Variants in NDUFC2 observed in about 807,000 individuals in gnomAD.
NDUFC2 encodes NADH:ubiquinone oxidoreductase subunit C2, also known as NADH dehydrogenase [ubiquinone] 1 subunit C2.
NDUFC2 carries 2 observed loss-of-function variants against 10.1 expected under a neutral mutation model. The ratio of observed to expected loss-of-function variants is 0.20; its 90% CI spans 0.08 to 0.62. The LOEUF (loss-of-function observed/expected upper bound fraction) is 0.62, where lower values mean the gene tolerates loss of function less well. Among genes scored for constraint, NDUFC2 ranks in the 20% least tolerant of loss-of-function variants. The pLI is 0.87. For missense variants in NDUFC2, 156 were observed against 159.6 expected (o/e 0.98, Z 0.12); for synonymous variants, 61 against 63.6 (o/e 0.96, Z 0.20).
chr11:78,070,406 T>C (rs1055760741), intron 2 of NDUFC2, among the ~76,000 whole-genome samples: 1 of 152,170 alleles, frequency 6.6e-6, no homozygotes, highest in African/African-American at 2.4e-5. Context: ...CCTCCAGAAT[T>C]GCAAGCAATA....
At chr11:78,075,038 C>T (rs1474013037) in intron 1 of NDUFC2, among the ~76,000 whole-genome samples, 1 of 152,202 alleles carries the variant, frequency 6.6e-6, no homozygotes, top group African/African-American at 2.4e-5. Flanking sequence ...TCACTACCTG[C>T]ACACCCCATC....
chr11:78,072,199 A>G (rs116278826), intron 2 of NDUFC2, among the ~76,000 whole-genome samples: 3,007 of 151,732 alleles, frequency 0.02, 99 homozygotes, highest in African/African-American at 0.069. Context: ...ATTTTTTGAG[A>G]CACAGTCTTG....
chr11:78,076,695 G>A (rs1254733983), intron 1 of NDUFC2, among the ~76,000 whole-genome samples: 2 of 152,156 alleles, frequency 1.3e-5, no homozygotes, highest in African/African-American at 4.8e-5. Flanking sequence ...TACTAGTAGG[G>A]TGGAGGTGAT....
At position 78,079,704 on chromosome 11, in the gene NDUFC2, G is replaced by C; in HGVS notation, c.41C>G (p.Pro14Arg). 1 of 1,610,222 alleles carries C rather than the reference G, an allele frequency of 6.2e-7. No individual in the cohort carries two copies. Among genetic ancestry groups the C allele is most frequent in the Non-Finnish European group, 8.5e-7 (1 of 1,178,596 alleles). The change falls in exon 1 of 3, where the codon CCG becomes CGG. Residue 14 changes from proline to arginine, a missense_variant. By Grantham distance (103) the Pro-to-Arg change is moderately radical (BLOSUM62 -2). Transcript: ENST00000281031. ...RRNPEPLRFL[P>R]DEARSLPPPK... Reference sequence around the variant, plus strand: ...CGGGGGCAGGCTCCGGGCCTCATCCGGCAGAAACCGTAAGGGTTCTGGGTT... The same window carrying C: ...CGGGGGCAGGCTCCGGGCCTCATCCCGCAGAAACCGTAAGGGTTCTGGGTT...
chr11:78,073,260 GA>G, intron 1 of NDUFC2, 119 bp from the exon 2 acceptor site: 1 of 1,472,476 alleles, frequency 6.8e-7, no homozygotes, highest in South Asian at 1.2e-5. Flanking sequence ...GGGAGGCCAA[GA>G]CAGGTGGATC....
At chr11:78,071,351 G>T (rs1859001183) in intron 2 of NDUFC2, among the ~76,000 whole-genome samples, 2 of 148,926 alleles carry the variant, frequency 1.3e-5, no homozygotes, top group Admixed American at 1.4e-4. Flanking sequence ...TGTCCTCCCA[G>T]GCTCAAGTAA....
At chr11:78,072,524 A>G (rs1262224947) in intron 2 of NDUFC2, among the ~76,000 whole-genome samples, 3 of 152,204 alleles carry the variant, frequency 2.0e-5, no homozygotes, top group African/African-American at 7.2e-5. Context: ...GTCATTGGAA[A>G]TAAGACCAAA....
chr11:78,071,505 T>G (rs1452004747), intron 2 of NDUFC2, among the ~76,000 whole-genome samples: 1 of 152,112 alleles, frequency 6.6e-6, no homozygotes, highest in Middle Eastern at 3.2e-3. Flanking sequence ...AGTTCAAATT[T>G]TTTCTATACT....
intron 1 of NDUFC2, among the ~76,000 whole-genome samples, chr11:78,074,334 T>A (rs1417061433): frequency 6.6e-6 from 1 of 151,616 alleles, no homozygotes; most frequent in East Asian, 2.0e-4. Flanking sequence ...CTATCCTGGC[T>A]GGGCGTGGTG....
chr11:78,070,058 A>C (rs923115650), intron 2 of NDUFC2, 22 bp from the exon 3 acceptor site: 11 of 1,453,130 alleles, frequency 7.6e-6, no homozygotes, highest in African/African-American at 1.4e-5. Flanking sequence ...AAGATCATAA[A>C]AGATTTATTT....
rs2136814236 is a variant in NDUFC2, at chr11:78,068,336, A to G, written c.*1651T>C. 1 of 152,328 alleles carries G rather than the reference A, an allele frequency of 6.6e-6. No homozygotes were observed. 9.4% of individuals were successfully genotyped at this position (152,328 alleles called of 1,614,324 possible). ...ATTATTTATTGCAGAACTAATAAAAAATCCAAAGCCTTGTATTTGTACATC... is the reference window on the plus strand; with the variant it reads ...ATTATTTATTGCAGAACTAATAAAAGATCCAAAGCCTTGTATTTGTACATC... On this transcript the variant is annotated 3_prime_UTR_variant, in exon 3 of 3. Transcript: ENST00000281031.
rs7113304 is a variant in NDUFC2 at position 78,070,077 on chromosome 11, T to C, written c.311-41A>G. ...TCATAAAAGATTTATTTTAAAAATA[T>C]GTTTTAAAAATTGTATTTCCTAAAC... On this transcript the variant is annotated intron_variant, in intron 2 of 2. Transcript: ENST00000281031. The C allele has an allele frequency of 0.014, 19,793 of 1,381,158 alleles. 2,123 individuals carry two copies. In the African/African-American group the frequency reaches 0.25, roughly 17 times the overall value. 85.6% of individuals were successfully genotyped at this position (1,381,158 alleles called of 1,614,324 possible). A position where few individuals can be genotyped will look rare whatever the true frequency, so the allele number is the denominator to read the frequency against.
At chr11:78,075,945 C>A (rs575195045) in intron 1 of NDUFC2, among the ~76,000 whole-genome samples, 1 of 152,222 alleles carries the variant, frequency 6.6e-6, no homozygotes, top group Admixed American at 6.5e-5. Flanking sequence ...GTTTGAAAAT[C>A]TACCATATCT....
At position 78,070,015 on chromosome 11, in the gene NDUFC2, A is replaced by T. The variant is rs1217806704; in HGVS notation, c.332T>A (p.Ile111Asn). 10 of 1,598,358 alleles carry T rather than the reference A, an allele frequency of 6.3e-6. No individual in the cohort carries two copies. Among genetic ancestry groups the T allele is most frequent in the Non-Finnish European group, 8.6e-6 (10 of 1,168,580 alleles). The change falls in exon 3 of 3, where the codon ATT becomes AAT. Residue 111 changes from isoleucine (I) to asparagine (N), a missense_variant. Transcript: ENST00000281031. The stretch of plus-strand genomic sequence containing the variant: ...ACGTATTGGATGGAATTTTTCAAAA[A>T]TTTCACCATATGTTTTCTTATCTAT... Reference protein sequence around the residue: ...PEEDKKTYGEIFEKFHPIR With the variant: ...PEEDKKTYGENFEKFHPIR
At chr11:78,075,892 T>C (rs924123978) in intron 1 of NDUFC2, among the ~76,000 whole-genome samples, 5 of 152,180 alleles carry the variant, frequency 3.3e-5, no homozygotes, top group South Asian at 2.1e-4. Context: ...CCGGCCAGAA[T>C]ATCCCATTAC....
At chr11:78,079,130 A>C (rs1277027169) in intron 1 of NDUFC2, among the ~76,000 whole-genome samples, 1 of 147,252 alleles carries the variant, frequency 6.8e-6, no homozygotes, top group Non-Finnish European at 1.5e-5. Context: ...AAAAAAAACC[A>C]AGCTCTGCTA....
intron 1 of NDUFC2, among the ~76,000 whole-genome samples, chr11:78,075,920 C>T (rs144549427): frequency 6.6e-6 from 1 of 152,124 alleles, no homozygotes. Flanking sequence ...ATGCCAGGTA[C>T]TCGCCAGGGC....
intron 1 of NDUFC2, among the ~76,000 whole-genome samples, chr11:78,079,359 GC>G (rs1406961588): frequency 6.6e-6 from 1 of 152,144 alleles, no homozygotes; most frequent in Non-Finnish European, 1.5e-5. Context: ...CTCAGTTCCT[GC>G]TTCACTGCAC....
At chr11:78,070,483 T>TA (rs1398441537) in intron 2 of NDUFC2, among the ~76,000 whole-genome samples, 4 of 152,214 alleles carry the variant, frequency 2.6e-5, no homozygotes, top group African/African-American at 7.2e-5. Context: ...AAAACAAAGT[T>TA]AAAAAATTTT....
Sources: allele counts gnomAD v4.1 joint callset (sites outside exome capture counted in the v4.1 genomes callset), GRCh38; gene constraint gnomAD v4.1.1; transcripts MANE v1.5; gene names NCBI Gene and HGNC (gene_info 2026-07-23, HGNC 2026-07-21).